Variants in WWOX observed in about 807,000 individuals in gnomAD.
The protein encoded by WWOX is WW domain containing oxidoreductase, also known as WW domain-containing oxidoreductase.
WWOX carries 69 observed loss-of-function variants against 46.2 expected under a neutral mutation model. That is an observed-to-expected ratio of 1.49 (90% CI 1.23 to 1.82). The LOEUF (loss-of-function observed/expected upper bound fraction) is 1.82, where lower values mean the gene tolerates loss of function less well. Ranked by LOEUF, WWOX falls within the 40% of genes most tolerant of loss-of-function variation. The pLI is 0.00. For missense variants in WWOX, 919 were observed against 542.6 expected (o/e 1.69, Z -6.89); for synonymous variants, 359 against 202.6 (o/e 1.77, Z -6.56).
intron 8 of WWOX, among the ~76,000 whole-genome samples, chr16:78,642,577 A>C (rs2046745794): frequency 6.6e-6 from 1 of 152,032 alleles, no homozygotes; most frequent in African/African-American, 2.4e-5. Flanking sequence ...TTGTTGGATG[A>C]GATTTCCGGG....
At chr16:78,102,011 C>T (rs1158573748) in intron 1 of WWOX, among the ~76,000 whole-genome samples, 2 of 152,106 alleles carry the variant, frequency 1.3e-5, no homozygotes, top group African/African-American at 2.4e-5. Flanking sequence ...ACCTTCACTT[C>T]CTGGGCTCAA....
Position 78,109,820 on chromosome 16 carries a change from A to C in WWOX, c.215A>C (p.Gln72Pro). The C allele has an allele frequency of 6.2e-7, 1 of 1,614,204 alleles. No individual in the cohort carries two copies. The highest frequency in any genetic ancestry group is 1.3e-5 in the African/African-American group (1 of 75,062). Residue 72 changes from glutamine (Q) to proline (P), a missense_variant, in exon 3 of 9, where the codon CAA becomes CCA. By Grantham distance (76) the Gln-to-Pro change is moderately conservative (BLOSUM62 -1). Coordinates refer to ENST00000566780, the MANE Select transcript of WWOX (RefSeq NM_016373.4). Reference protein sequence around the residue: ...GWEQETDENGQVFFVDHINKR... With the variant: ...GWEQETDENGPVFFVDHINKR... ...GAACAAGAAACTGATGAGAACGGAC[A>C]AGTGTTTTTTGTTGAGTAAGTGTCT...
chr16:78,774,902 C>T (rs150496160), intron 8 of WWOX, among the ~76,000 whole-genome samples: 36 of 152,296 alleles, frequency 2.4e-4, no homozygotes, highest in African/African-American at 7.9e-4. Flanking sequence ...ACAGATGGAA[C>T]GTCACCGTTG....
chr16:78,863,034 C>A (rs551105947), intron 8 of WWOX, among the ~76,000 whole-genome samples: 1 of 150,288 alleles, frequency 6.7e-6, no homozygotes, highest in East Asian at 2.0e-4. Context: ...CCTTGGCTCA[C>A]CACAACCTCT....
intron 8 of WWOX, among the ~76,000 whole-genome samples, chr16:79,015,026 A>G (rs576869149): frequency 6.6e-6 from 1 of 152,176 alleles, no homozygotes; most frequent in Non-Finnish European, 1.5e-5. Context: ...TCCAAGGACT[A>G]CGTGTGACAT....
intron 5 of WWOX, among the ~76,000 whole-genome samples, chr16:78,372,828 T>C (rs1349637673): frequency 1.3e-5 from 2 of 152,204 alleles, no homozygotes; most frequent in Non-Finnish European, 2.9e-5. Context: ...TCAAGTTGCT[T>C]TATTTTTCTA....
chr16:78,753,856 G>GTATATATA (rs1264626542), intron 8 of WWOX, among the ~76,000 whole-genome samples: 3 of 59,326 alleles, frequency 5.1e-5, no homozygotes, highest in East Asian at 7.1e-4. Flanking sequence ...ATATATATAT[G>GTATATATA]TATATGTATA....
intron 8 of WWOX, among the ~76,000 whole-genome samples, chr16:79,074,002 A>G (rs181051826): frequency 4.1e-5 from 5 of 122,034 alleles, no homozygotes; most frequent in African/African-American, 1.5e-4. Context: ...AGGTCTGAGG[A>G]AAAAAAAAGC....
chr16:78,137,053 A>G (rs1365646901), intron 4 of WWOX, among the ~76,000 whole-genome samples: 1 of 152,188 alleles, frequency 6.6e-6, no homozygotes, highest in Admixed American at 6.5e-5. Context: ...CATTCACAAC[A>G]TAAGTTGGAT....
intron 5 of WWOX, among the ~76,000 whole-genome samples, chr16:78,382,867 A>G (rs2081984513): frequency 6.6e-6 from 1 of 151,566 alleles, no homozygotes; most frequent in South Asian, 2.1e-4. Context: ...ACTGCTATAT[A>G]AACATACCTG....
At position 78,289,869 on chromosome 16, in the gene WWOX, T is replaced by TATGA. The variant is rs111824816; in HGVS notation, c.517-96991_517-96990insATGA. On this transcript the variant is annotated intron_variant, in intron 5 of 8. Coordinates refer to ENST00000566780, the MANE Select transcript of WWOX (RefSeq NM_016373.4). ...TTGTAAAGGTTTTACTGGCCTACAGTGTCAGTACATTGCAAATTTAAGAAT... is the reference window on the plus strand; with the variant it reads ...TTGTAAAGGTTTTACTGGCCTACAGTATGAGTCAGTACATTGCAAATTTAAGAAT... 2.0e-5 allele frequency among the ~76,000 whole-genome samples: 3 copies of TATGA among 151,942 alleles called. No homozygotes were observed. The East Asian group carries it at 5.8e-4, about 30-fold the overall frequency.
chr16:79,161,358 GGTT>G (rs2050483083), intron 8 of WWOX, among the ~76,000 whole-genome samples: 1 of 152,054 alleles, frequency 6.6e-6, no homozygotes, highest in Non-Finnish European at 1.5e-5. Context: ...TCCCACCTAA[GGTT>G]GTTGTTAAGG....
intron 8 of WWOX, chr16:79,016,037 C>G (rs752959700): frequency 1.3e-5 from 2 of 152,250 alleles, no homozygotes; most frequent in African/African-American, 2.4e-5. Flanking sequence ...ACGTAAGTCA[C>G]CACGCCTGGC....
chr16:79,030,851 G>A (rs1362054258), intron 8 of WWOX, among the ~76,000 whole-genome samples: 1 of 152,120 alleles, frequency 6.6e-6, no homozygotes, highest in Non-Finnish European at 1.5e-5. Flanking sequence ...GGGAGGCTGA[G>A]GCAGGAGGAT....
intron 8 of WWOX, among the ~76,000 whole-genome samples, chr16:78,900,751 C>G (rs1160073500): frequency 6.6e-6 from 1 of 151,450 alleles, no homozygotes; most frequent in Non-Finnish European, 1.5e-5. Flanking sequence ...GTACCACTTT[C>G]AAGAATATTC....
At chr16:78,162,251 T>G (rs11639881) in intron 4 of WWOX, among the ~76,000 whole-genome samples, 44,282 of 152,122 alleles carry the variant, frequency 0.29, 6,526 homozygotes, top group South Asian at 0.35. Context: ...AGTTTTATTT[T>G]TTTTCAGCTG....
At chr16:78,713,254 A>G (rs754651932) in intron 8 of WWOX, among the ~76,000 whole-genome samples, 42 of 142,176 alleles carry the variant, frequency 3.0e-4, no homozygotes, top group Admixed American at 2.9e-4. Context: ...AGCCTGGGTG[A>G]CAAAGTGAGA....
At chr16:79,073,082 A>T (rs1008013877) in intron 8 of WWOX, among the ~76,000 whole-genome samples, 2 of 151,856 alleles carry the variant, frequency 1.3e-5, no homozygotes, top group East Asian at 1.9e-4. Flanking sequence ...CATTTCCTTT[A>T]TCTAGAAATC....
chr16:78,350,283 T>C (rs1330654569), intron 5 of WWOX, among the ~76,000 whole-genome samples: 1 of 121,810 alleles, frequency 8.2e-6, no homozygotes, highest in African/African-American at 2.8e-5. Context: ...CAAGCTACTT[T>C]ATTGATATAT....
Sources: allele counts gnomAD v4.1 joint callset (sites outside exome capture counted in the v4.1 genomes callset), GRCh38; gene constraint gnomAD v4.1.1; transcripts MANE v1.5; gene names NCBI Gene and HGNC (gene_info 2026-07-23, HGNC 2026-07-21).